AMT: variants seen among roughly 807,000 people sequenced by gnomAD.
AMT encodes the protein aminomethyltransferase, mitochondrial.
In AMT, 24 loss-of-function variants were observed where a neutral mutation model predicts 39.5. The ratio of observed to expected loss-of-function variants is 0.61; its 90% CI spans 0.44 to 0.86. The LOEUF is 0.86. Ranked by LOEUF, AMT falls within the 40% of genes least tolerant of loss-of-function variation. The pLI is 0.00. For synonymous variants in AMT, 210 were observed against 212.1 expected (o/e 0.99, Z 0.09); for missense variants, 501 against 537.0 (o/e 0.93, Z 0.66).
chr3:49,417,687 A>G lies in AMT; in HGVS notation c.1065T>C (p.Ser355=), dbSNP rs2049021623. 1 of 1,614,010 alleles carries G rather than the reference A, an allele frequency of 6.2e-7. No individual in the cohort carries two copies. The highest frequency in any genetic ancestry group is 8.5e-7 in the Non-Finnish European group (1 of 1,179,996). The change falls in exon 9 of 9, where the codon TCT becomes TCC. Residue 355 remains serine, a synonymous_variant. Transcript: ENST00000273588. ...AACCCATCGCCACATTCTTCTTCAGAGAGGGGGAGGGGCAGCCACTAGTCA... is the reference window on the plus strand; with the variant it reads ...AACCCATCGCCACATTCTTCTTCAGGGAGGGGGAGGGGCAGCCACTAGTCA... ...GTVTSGCPSP[S]LKKNVAMGYV... is the part of the protein sequence containing the mutation.
chr3:49,421,804 G>A, intron 2 of AMT: 1 of 668,402 alleles, frequency 1.5e-6, no homozygotes, highest in East Asian at 2.7e-5. Context: ...GCACCTTCCT[G>A]AAATAACCCC....
In AMT at chr3:49,422,109, G is replaced by T. The variant is rs1327593619; in HGVS notation, c.253C>A (p.Leu85Met). 1.2e-6 allele frequency: 2 copies of T among 1,613,608 alleles called. No individual in the cohort carries two copies. The highest frequency in any genetic ancestry group is 3.3e-5 in the Admixed American group (2 of 60,020). Residue 85 changes from leucine to methionine, a missense_variant, in exon 2 of 9, where the codon CTG becomes ATG. Coordinates refer to ENST00000273588, the MANE Select transcript of AMT (RefSeq NM_000481.4). ...HCSLFDVSHM[L>M]QTKILGSDRV... is the part of the protein sequence containing the mutation. ...AGTGTGCTCCCCTGGCTCACCTGCA[G>T]CATATGAGACACGTCAAAGAGCGAG...
intron 6 of AMT, 35 bp downstream of exon 6, chr3:49,419,225 G>A: frequency 1.9e-6 from 3 of 1,613,060 alleles, no homozygotes; most frequent in East Asian, 2.2e-5. Flanking sequence ...TGCATCCTGT[G>A]CCCTGTACTG....
Position 49,417,325 on chromosome 3 carries a change from G to A in AMT, c.*215C>T. The A allele has an allele frequency of 6.3e-7, 1 of 1,595,694 alleles. No homozygotes were observed. The highest frequency in any genetic ancestry group is 8.5e-7 in the Non-Finnish European group (1 of 1,176,592). ...GGATCATGGACTGAAACAAGACATT[G>A]TGTGAGCTGGTCCGTCACTCAGAAG... On this transcript the variant is annotated 3_prime_UTR_variant, in exon 9 of 9. Coordinates refer to ENST00000273588, the MANE Select transcript of AMT (RefSeq NM_000481.4).
chr3:49,420,732 T>A (rs2049086839), intron 3 of AMT: 1 of 322,030 alleles, frequency 3.1e-6, no homozygotes, highest in Non-Finnish European at 6.1e-6. Flanking sequence ...GATCGCAGGC[T>A]CTCCTAAGTA....
intron 2 of AMT, 165 bp from the exon 3 acceptor site, chr3:49,421,737 C>T (rs2049105708): frequency 1.4e-6 from 1 of 716,284 alleles, no homozygotes; most frequent in Admixed American, 2.0e-5. Context: ...TTCTGATTTC[C>T]TGACCTCCCC....
At position 49,419,430 on chromosome 3, in the gene AMT, A is replaced by C. The variant is rs1250745892; in HGVS notation, c.551-25T>G. 5 of 1,612,350 alleles carry C rather than the reference A, an allele frequency of 3.1e-6. No individual in the cohort carries two copies. The Admixed American group carries it at 8.4e-5, about 27-fold the overall frequency. On this transcript the variant is annotated intron_variant, in intron 5 of 8. Coordinates refer to ENST00000273588, the MANE Select transcript of AMT (RefSeq NM_000481.4). Reference sequence around the variant, plus strand: ...CCTGGGCCCAGGGAGCCAGTGACCAAGTATCCAGGTCCCAGCATCCCTCAA... The same window carrying C: ...CCTGGGCCCAGGGAGCCAGTGACCACGTATCCAGGTCCCAGCATCCCTCAA...
rs768293167 is a variant in AMT, at chr3:49,417,694, G to C, written c.1058C>G (p.Ser353Cys). Residue 353 changes from serine to cysteine, a missense_variant, in exon 9 of 9, where the codon TCC becomes TGC. Physicochemically the swap from Ser to Cys is moderately radical, Grantham distance 112. Coordinates refer to ENST00000273588, the MANE Select transcript of AMT (RefSeq NM_000481.4). Reference sequence around the variant, plus strand: ...CGCCACATTCTTCTTCAGAGAGGGGGAGGGGCAGCCACTAGTCACAGTACC... The same window carrying C: ...CGCCACATTCTTCTTCAGAGAGGGGCAGGGGCAGCCACTAGTCACAGTACC... ...KIGTVTSGCP[S>C]PSLKKNVAMG... 1.3e-5 allele frequency: 21 copies of C among 1,613,882 alleles called. No homozygotes were observed. Among genetic ancestry groups the C allele is most frequent in the Non-Finnish European group, 1.7e-5 (20 of 1,180,016 alleles).
intron 7 of AMT, chr3:49,418,431 T>G (rs2049036667): frequency 4.6e-6 from 1 of 216,884 alleles, no homozygotes; most frequent in Admixed American, 5.3e-5. Context: ...TCCACCCACC[T>G]TGGCCTCCCA....
At chr3:49,421,199 G>A (rs188052160) in intron 3 of AMT, 10 of 424,690 alleles carry the variant, frequency 2.4e-5, no homozygotes, top group Admixed American at 1.1e-4. Context: ...GAGTCACGTC[G>A]CCTGGCCAGG....
chr3:49,420,596 G>A (rs1253793552), intron 3 of AMT: 3 of 499,262 alleles, frequency 6.0e-6, no homozygotes, highest in Admixed American at 3.2e-5. Context: ...TCCCCACTCT[G>A]TACTGAGAGT....
At chr3:49,419,681 T>C (rs752755715) in intron 5 of AMT, 29 bp downstream of exon 5, 1 of 1,611,180 alleles carries the variant, frequency 6.2e-7, no homozygotes, top group South Asian at 1.1e-5. Context: ...AGGCAAAGGT[T>C]GGCTCCAACC....
chr3:49,417,650 C>CG lies in AMT; in HGVS notation c.1101dup (p.Glu368ArgfsTer56), dbSNP rs2049020907. 6.2e-7 allele frequency: 1 copy of CG among 1,614,146 alleles called. No individual in the cohort carries two copies. The highest frequency in any genetic ancestry group is 1.3e-5 in the African/African-American group (1 of 75,032). ...AGCATTGTCCCTGGACGACTGTACT[C>CG]GCAGGGCACATAACCCATCGCCACA... On this transcript the variant is annotated frameshift_variant, in exon 9 of 9. Transcript: ENST00000273588. LOFTEE classifies it high-confidence loss of function.
At chr3:49,419,438 G>A (rs1158659426) in intron 5 of AMT, 33 bp from the exon 6 acceptor site, 1 of 1,610,686 alleles carries the variant, frequency 6.2e-7, no homozygotes. Flanking sequence ...CAAGTATCCA[G>A]GTCCCAGCAT....
In AMT at chr3:49,417,331, G is replaced by A; in HGVS notation, c.*209C>T. 1 of 1,595,654 alleles carries A rather than the reference G, an allele frequency of 6.3e-7. No homozygotes were observed. The highest frequency in any genetic ancestry group is 8.5e-7 in the Non-Finnish European group (1 of 1,176,436). ...TGGACTGAAACAAGACATTGTGTGA[G>A]CTGGTCCGTCACTCAGAAGCAGGGT... is the stretch of plus-strand genomic sequence containing the variant. On this transcript the variant is annotated 3_prime_UTR_variant, in exon 9 of 9. Transcript: ENST00000273588.
Position 49,419,757 on chromosome 3 carries a change from C to A in AMT, c.503G>T (p.Arg168Ile). Residue 168 changes from arginine (R) to isoleucine (I), a missense_variant, in exon 5 of 9, where the codon AGA (arginine) becomes ATA (isoleucine). Coordinates refer to ENST00000273588, the MANE Select transcript of AMT (RefSeq NM_000481.4). The part of the protein sequence containing the change: ...DKVRELQNQG[R>I]DVGLEVLDNA... ...ATCCAACACCTCCAGGCCCACATCT[C>A]TGCCCTGGTTCTGAAGCTCCCTGAC... 6.2e-7 allele frequency: 1 copy of A among 1,614,176 alleles called. No homozygotes were observed. Among genetic ancestry groups the A allele is most frequent in the African/African-American group, 1.3e-5 (1 of 75,036 alleles).
intron 5 of AMT, 59 bp from the exon 6 acceptor site, chr3:49,419,464 T>G: frequency 6.3e-7 from 1 of 1,594,478 alleles, no homozygotes. Flanking sequence ...AAAGCTGGAC[T>G]AAAGCCTTAT....
In AMT at chr3:49,419,351, A is replaced by G; in HGVS notation, c.605T>C (p.Leu202Pro). The G allele has an allele frequency of 6.2e-7, 1 of 1,614,194 alleles. No individual in the cohort carries two copies. The highest frequency in any genetic ancestry group is 8.5e-7 in the Non-Finnish European group (1 of 1,180,024). ...QAGVADDLRK[L>P]PFMTSAVMEV... is the part of the protein sequence containing the mutation. ...CATCACAGCACTGGTCATGAAGGGCAGTTTCCTCAGGTCATCTGCCACGCC... is the reference window on the plus strand; with the variant it reads ...CATCACAGCACTGGTCATGAAGGGCGGTTTCCTCAGGTCATCTGCCACGCC... The change falls in exon 6 of 9, where the codon CTG (leucine) becomes CCG (proline). Residue 202 changes from leucine to proline, a missense_variant. Leu to Pro is a moderately conservative substitution (Grantham distance 98). Transcript: ENST00000273588.
chr3:49,418,038 T>A, intron 7 of AMT, 65 bp from the exon 8 acceptor site: 1 of 1,542,710 alleles, frequency 6.5e-7, no homozygotes, highest in Non-Finnish European at 8.7e-7. Context: ...GAGGTCCTTA[T>A]GAGGTCCTCA....
Sources: allele counts gnomAD v4.1 joint callset, GRCh38; gene constraint gnomAD v4.1.1; transcripts MANE v1.5; gene names NCBI Gene and HGNC (gene_info 2026-07-23, HGNC 2026-07-21).